Variants in GRK3 observed in about 807,000 individuals in gnomAD.
GRK3 encodes G protein-coupled receptor kinase 3.
In GRK3, 54 loss-of-function variants were observed where a neutral mutation model predicts 95.7. That is an observed-to-expected ratio of 0.56 (90% CI 0.45 to 0.71). The LOEUF is 0.71. Among genes scored for constraint, GRK3 ranks in the 30% least tolerant of loss-of-function variants. GRK3 has a pLI of 0.00. For synonymous variants in GRK3, 281 were observed against 290.8 expected (o/e 0.97, Z 0.34); for missense variants, 649 against 851.2 (o/e 0.76, Z 2.96).
intron 1 of GRK3, among the ~76,000 whole-genome samples, chr22:25,602,602 A>C (rs1371047609): frequency 6.6e-6 from 1 of 152,246 alleles, no homozygotes; most frequent in Non-Finnish European, 1.5e-5. Context: ...TGGAATATTC[A>C]TACAATGGCA....
At chr22:25,611,106 C>T (rs1441390036) in intron 2 of GRK3, among the ~76,000 whole-genome samples, 1 of 152,196 alleles carries the variant, frequency 6.6e-6, no homozygotes, top group Non-Finnish European at 1.5e-5. Context: ...AAGCCATCTA[C>T]TCACCTCAGT....
chr22:25,725,347 T>G lies in GRK3; in HGVS notation c.*2897T>G, dbSNP rs1307202220. 1 of 389,498 alleles carries G rather than the reference T, an allele frequency of 2.6e-6. No homozygotes were observed. Among genetic ancestry groups the G allele is most frequent in the Non-Finnish European group, 4.5e-6 (1 of 221,116 alleles). The allele number at this position is 389,498 out of a possible 1,614,324, so 24.1% of individuals were successfully genotyped here. A position where few individuals can be genotyped will look rare whatever the true frequency, so the allele number is the denominator to read the frequency against. ...CATGCGGTAATAAGTCTTGATTTCA[T>G]GATTCAAAAGAATCAATAAAGCCTA... On this transcript the variant is annotated 3_prime_UTR_variant, in exon 21 of 21. Transcript: ENST00000324198.
At chr22:25,717,917 G>A (rs753512116) in intron 18 of GRK3, among the ~76,000 whole-genome samples, 12 of 152,074 alleles carry the variant, frequency 7.9e-5, no homozygotes, top group Admixed American at 2.0e-4. Flanking sequence ...TTTAAATACC[G>A]TCTATTCTCC....
At chr22:25,667,439 T>A (rs1159579095) in intron 5 of GRK3, among the ~76,000 whole-genome samples, 7 of 152,206 alleles carry the variant, frequency 4.6e-5, no homozygotes, top group Non-Finnish European at 1.0e-4. Flanking sequence ...CACACTTCCA[T>A]GAAGCGAGCC....
Position 25,652,746 on chromosome 22 carries a change from G to C in GRK3, c.264+8081G>C, listed in dbSNP as rs935415459. ...AACAAAAGACCACGTATATGACAGT[G>C]ATCCCAGAAGATTTTAATACTATAT... On this transcript the variant is annotated intron_variant, in intron 3 of 20. Coordinates refer to ENST00000324198, the MANE Select transcript of GRK3 (RefSeq NM_005160.4). Among the ~76,000 whole-genome samples, 4 of 152,232 alleles carry C rather than the reference G, an allele frequency of 2.6e-5. No homozygotes were observed. In the East Asian group the frequency reaches 7.7e-4, roughly 29 times the overall value.
chr22:25,690,685 G>C (rs1057179721), intron 12 of GRK3, among the ~76,000 whole-genome samples: 1 of 152,166 alleles, frequency 6.6e-6, no homozygotes, highest in Non-Finnish European at 1.5e-5. Flanking sequence ...CAGCTGCGTG[G>C]ATGTGGTCAA....
At chr22:25,595,667 C>G (rs892113577) in intron 1 of GRK3, among the ~76,000 whole-genome samples, 19 of 152,114 alleles carry the variant, frequency 1.2e-4, no homozygotes, top group Non-Finnish European at 2.1e-4. Context: ...TAAAAAATTG[C>G]CAGGCATGGT....
intron 18 of GRK3, among the ~76,000 whole-genome samples, chr22:25,716,835 C>T (rs76112773): frequency 2.0e-5 from 3 of 152,356 alleles, no homozygotes; most frequent in Non-Finnish European, 4.4e-5. Flanking sequence ...CAGTGCTGGG[C>T]GAGTGAGCAT....
At position 25,669,493 on chromosome 22, in the gene GRK3, C is replaced by A. The variant is rs539375303; in HGVS notation, c.503+1693C>A. 2.6e-5 allele frequency among the ~76,000 whole-genome samples: 4 copies of A among 152,322 alleles called. No individual in the cohort carries two copies. The South Asian group carries it at 6.2e-4, about 24-fold the overall frequency. ...TACTCCACCCTTACTGCATCCCAGG[C>A]GTTTCCATGTCTTTAACCTCTGATC... On this transcript the variant is annotated intron_variant, in intron 6 of 20. Transcript: ENST00000324198.
At chr22:25,707,956 G>A (rs1330847305) in intron 15 of GRK3, among the ~76,000 whole-genome samples, 1 of 152,016 alleles carries the variant, frequency 6.6e-6, no homozygotes, top group Non-Finnish European at 1.5e-5. Context: ...TCACCACCCC[G>A]GCCAGGCGCA....
rs1601509042 is a variant in GRK3, at chr22:25,661,475, A to G, written c.265-101A>G. The G allele has an allele frequency of 9.6e-6, 6 of 627,676 alleles. No individual in the cohort carries two copies. The South Asian group carries it at 1.4e-4, about 14-fold the overall frequency. The allele number at this position is 627,676 out of a possible 1,614,324, so 38.9% of individuals were successfully genotyped here. A position where few individuals can be genotyped will look rare whatever the true frequency, so the allele number is the denominator to read the frequency against. On this transcript the variant is annotated intron_variant, in intron 3 of 20. Coordinates refer to ENST00000324198, the MANE Select transcript of GRK3 (RefSeq NM_005160.4). ...AATAGCCGGTTCAGTAATTTGCTTT[A>G]TCTCATGTGCAAGTGGTTTCTGCCT...
chr22:25,570,801 GC>G (rs1931673361), intron 1 of GRK3, among the ~76,000 whole-genome samples: 2 of 152,154 alleles, frequency 1.3e-5, no homozygotes, highest in Admixed American at 1.3e-4. Context: ...CAACCCCTGG[GC>G]CCTTTTTGAT....
At chr22:25,719,196 TA>T (rs60791959) in intron 19 of GRK3, among the ~76,000 whole-genome samples, 4,800 of 142,900 alleles carry the variant, frequency 0.034, 95 homozygotes, top group African/African-American at 0.058. Flanking sequence ...CAAGTGCTGT[TA>T]AAAAAAAAAA....
intron 6 of GRK3, among the ~76,000 whole-genome samples, chr22:25,671,385 GCTCAT>G (rs2084981872): frequency 6.6e-6 from 1 of 152,122 alleles, no homozygotes; most frequent in Admixed American, 6.5e-5. Context: ...CAGATATATT[GCTCAT>G]TAATAAAAAA....
rs552577278 is a variant in GRK3 at position 25,620,170 on chromosome 22, G to A, written c.190+15717G>A. Among the ~76,000 whole-genome samples, 9 of 152,160 alleles carry A rather than the reference G, an allele frequency of 5.9e-5. No homozygotes were observed. In the South Asian group the frequency reaches 1.9e-3, roughly 32 times the overall value. On this transcript the variant is annotated intron_variant, in intron 2 of 20. Transcript: ENST00000324198. Reference sequence around the variant, plus strand: ...AAAGCCAAGAGAGGGAACCCCAAATGGGGCGGAAACCAGCCAGGTGTATAT... The same window carrying A: ...AAAGCCAAGAGAGGGAACCCCAAATAGGGCGGAAACCAGCCAGGTGTATAT...
intron 3 of GRK3, among the ~76,000 whole-genome samples, chr22:25,655,431 C>T (rs906840599): frequency 2.6e-5 from 4 of 152,182 alleles, no homozygotes; most frequent in African/African-American, 9.7e-5. Flanking sequence ...CTAGCTTTCT[C>T]TAAGGTCTAG....
intron 1 of GRK3, among the ~76,000 whole-genome samples, chr22:25,585,637 G>A (rs1932273294): frequency 6.6e-6 from 1 of 152,230 alleles, no homozygotes; most frequent in Admixed American, 6.5e-5. Flanking sequence ...TAAAGTTGTT[G>A]CTCTTTGTTC....
intron 1 of GRK3, 133 bp from the exon 2 acceptor site, chr22:25,604,244 T>G (rs1321278342): frequency 3.4e-6 from 2 of 580,624 alleles, no homozygotes; most frequent in African/African-American, 1.9e-5. Flanking sequence ...GGTCTGCATT[T>G]CACGCAGTTG....
intron 2 of GRK3, among the ~76,000 whole-genome samples, chr22:25,624,316 C>A (rs1263276672): frequency 6.6e-6 from 1 of 152,086 alleles, no homozygotes; most frequent in African/African-American, 2.4e-5. Flanking sequence ...GTAATCCCAG[C>A]ACTTTGGGAG....
Sources: gnomAD v4.1 joint callset for allele counts (sites outside exome capture counted in the v4.1 genomes callset) on GRCh38, gnomAD v4.1.1 for gene constraint, MANE v1.5 for transcripts, NCBI Gene and HGNC (gene_info 2026-07-23, HGNC 2026-07-21) for gene names.